The following SMC1B variants were observed in gnomAD, a reference collection of about 807,000 sequenced individuals.
SMC1B encodes the protein structural maintenance of chromosomes protein 1B.
In SMC1B, 60 loss-of-function variants were observed where a neutral mutation model predicts 157.9. The ratio of observed to expected loss-of-function variants is 0.38; its 90% CI spans 0.31 to 0.47. The LOEUF is 0.47. SMC1B is among the 20% of genes least tolerant of loss of function. The probability of loss-of-function intolerance (pLI) is 0.99; values close to 1 mark genes in which losing one functional copy is unlikely to be tolerated. For missense variants in SMC1B, 1,165 were observed against 1,426.2 expected, an observed-to-expected ratio of 0.82 and a Z score of 2.95; for synonymous variants, 445 against 483.0, an observed-to-expected ratio of 0.92 and a Z score of 1.03.
chr22:45,399,536 C>T (rs545616633), intron 5 of SMC1B, among the ~76,000 whole-genome samples, 183 bp from the exon 6 acceptor site: 3 of 152,100 alleles, frequency 2.0e-5, no homozygotes, highest in African/African-American at 7.2e-5. Flanking sequence ...ATAAAGCACA[C>T]GGTCACTTTT....
At chr22:45,360,813 G>A (rs2086714416) in intron 17 of SMC1B, among the ~76,000 whole-genome samples, 1 of 152,204 alleles carries the variant, frequency 6.6e-6, no homozygotes, top group South Asian at 2.1e-4. Context: ...AATGCCAAAA[G>A]GCTGAGCAAA....
intron 11 of SMC1B, among the ~76,000 whole-genome samples, chr22:45,385,021 G>A (rs1000895349): frequency 9.2e-5 from 14 of 152,032 alleles, no homozygotes; most frequent in Non-Finnish European, 1.8e-4. Flanking sequence ...AGTATAAATA[G>A]ATCTTTTTAT....
chr22:45,407,631 T>C (rs1183256651), intron 2 of SMC1B, among the ~76,000 whole-genome samples: 1 of 152,134 alleles, frequency 6.6e-6, no homozygotes, highest in Non-Finnish European at 1.5e-5. Flanking sequence ...CAGCTAATTG[T>C]AGAGACAAGG....
chr22:45,358,697 C>A lies in SMC1B; in HGVS notation c.2961G>T (p.Lys987Asn). 6.3e-7 allele frequency: 1 copy of A among 1,582,248 alleles called. No individual in the cohort carries two copies. The highest frequency in any genetic ancestry group is 8.7e-7 in the Non-Finnish European group (1 of 1,155,910). Residue 987 changes from lysine (K) to asparagine (N), a missense_variant and splice_region_variant, in exon 19 of 25, where the codon AAG becomes AAT. Coordinates refer to ENST00000357450, the MANE Select transcript of SMC1B (RefSeq NM_148674.5). ...IDYSSLKEDL[K>N]ALQSDQEIEA... ...TAAACAACAGAAAGCTTTCCATTACCTTCAAATCCTCTTTTAGAGAGCTGT... is the reference window on the plus strand; with the variant it reads ...TAAACAACAGAAAGCTTTCCATTACATTCAAATCCTCTTTTAGAGAGCTGT...
At chr22:45,362,532 C>G (rs758866830) in intron 16 of SMC1B, among the ~76,000 whole-genome samples, 5 of 152,180 alleles carry the variant, frequency 3.3e-5, no homozygotes, top group Non-Finnish European at 7.3e-5. Flanking sequence ...GTATCTTCAG[C>G]CTAGACTTCT....
At chr22:45,390,128 CAAAATATT>C in intron 9 of SMC1B, among the ~76,000 whole-genome samples, 1 of 151,882 alleles carries the variant, frequency 6.6e-6, no homozygotes, top group Admixed American at 6.5e-5. Flanking sequence ...CTAGCCTTAC[CAAAATATT>C]AAAATATTTT....
intron 19 of SMC1B, among the ~76,000 whole-genome samples, chr22:45,356,896 A>G (rs1415906052): frequency 6.6e-6 from 1 of 151,608 alleles, no homozygotes; most frequent in African/African-American, 2.4e-5. Flanking sequence ...TGCCCGGCTA[A>G]TTTTTTGTGT....
At chr22:45,381,332 AG>A (rs1032292811) in intron 12 of SMC1B, among the ~76,000 whole-genome samples, 2 of 152,192 alleles carry the variant, frequency 1.3e-5, no homozygotes, top group African/African-American at 4.8e-5. Flanking sequence ...CCTGAGGGTC[AG>A]TAATTACAAG....
At chr22:45,409,719 C>A (rs2087309550) in intron 1 of SMC1B, among the ~76,000 whole-genome samples, 1 of 152,060 alleles carries the variant, frequency 6.6e-6, no homozygotes, top group South Asian at 2.1e-4. Flanking sequence ...ATACTGTTAT[C>A]TTTTGAAAGT....
chr22:45,397,858 C>A (rs1021907675), intron 6 of SMC1B, among the ~76,000 whole-genome samples: 4 of 152,216 alleles, frequency 2.6e-5, no homozygotes, highest in Non-Finnish European at 5.9e-5. Context: ...TGTTTCATAG[C>A]TCAATAAAAT....
intron 1 of SMC1B, among the ~76,000 whole-genome samples, chr22:45,411,732 G>A (rs879146677): frequency 1.3e-5 from 2 of 150,348 alleles, no homozygotes; most frequent in Non-Finnish European, 3.0e-5. Context: ...GACTACAGGC[G>A]TGCGCCACCA....
intron 12 of SMC1B, among the ~76,000 whole-genome samples, chr22:45,375,089 A>T (rs906088116): frequency 6.6e-6 from 1 of 152,236 alleles, no homozygotes; most frequent in African/African-American, 2.4e-5. Flanking sequence ...GGAACTGCTT[A>T]GAGGAAACCT....
intron 9 of SMC1B, 118 bp downstream of exon 9, chr22:45,393,516 G>C: frequency 1.3e-6 from 1 of 765,702 alleles, no homozygotes; most frequent in South Asian, 2.1e-5. Context: ...AAAGATGTCT[G>C]AAATAATATT....
intron 1 of SMC1B, among the ~76,000 whole-genome samples, chr22:45,409,913 G>T (rs961122107): frequency 2.6e-5 from 4 of 152,178 alleles, no homozygotes; most frequent in East Asian, 3.8e-4. Flanking sequence ...TTTGAGGAAG[G>T]TCTGGCCTAA....
intron 12 of SMC1B, among the ~76,000 whole-genome samples, chr22:45,374,608 G>C (rs1037766482): frequency 1.3e-4 from 20 of 152,090 alleles, no homozygotes; most frequent in African/African-American, 4.6e-4. Flanking sequence ...GTTTTCAATT[G>C]TTTTCCTTCT....
chr22:45,387,405 G>A (rs1164871335), intron 10 of SMC1B, among the ~76,000 whole-genome samples: 1 of 151,988 alleles, frequency 6.6e-6, no homozygotes, highest in African/African-American at 2.4e-5. Flanking sequence ...AGCTGAGATC[G>A]CGCTACTGCA....
intron 1 of SMC1B, among the ~76,000 whole-genome samples, chr22:45,413,080 C>G (rs1039920915): frequency 1.3e-5 from 2 of 151,654 alleles, no homozygotes; most frequent in African/African-American, 2.4e-5. Context: ...TTGGGAGCCC[C>G]TGAGATGAAG....
At chr22:45,405,861 C>T (rs907358950) in intron 4 of SMC1B, among the ~76,000 whole-genome samples, 12 of 152,040 alleles carry the variant, frequency 7.9e-5, no homozygotes, top group Admixed American at 1.3e-4. Context: ...TAGGCCTTAG[C>T]ATAAGTAAGA....
At chr22:45,352,381 A>G in intron 22 of SMC1B, 70 bp downstream of exon 22, 1 of 1,384,360 alleles carries the variant, frequency 7.2e-7, no homozygotes, top group Non-Finnish European at 9.8e-7. Context: ...AATAGTTAAT[A>G]TATCTTCTGT....
Sources: allele counts gnomAD v4.1 joint callset (sites outside exome capture counted in the v4.1 genomes callset), GRCh38; gene constraint gnomAD v4.1.1; transcripts MANE v1.5; gene names NCBI Gene and HGNC (gene_info 2026-07-23, HGNC 2026-07-21).